Variants in ENTREP2 observed in about 807,000 individuals in gnomAD.
ENTREP2 encodes protein ENTREP2.
chr15:29,344,427 T>C, the ENTREP2 span, among the ~76,000 whole-genome samples: 2 of 151,938 alleles, frequency 1.3e-5, no homozygotes, highest in African/African-American at 4.8e-5. Flanking sequence ...CCCTGCTAGA[T>C]TGAAGAAAAG....
the ENTREP2 span, among the ~76,000 whole-genome samples, chr15:29,283,418 A>G: frequency 6.6e-6 from 1 of 152,138 alleles, no homozygotes; most frequent in African/African-American, 2.4e-5. Flanking sequence ...GTGTGAGCAT[A>G]GCTCACTGTA....
chr15:29,376,914 AG>A, the ENTREP2 span: 4 of 152,334 alleles, frequency 2.6e-5, no homozygotes, highest in Non-Finnish European at 5.9e-5. Context: ...CCAGGCCTGC[AG>A]GGCGAATGGA....
chr15:29,437,006 C>G, the ENTREP2 span, among the ~76,000 whole-genome samples: 2 of 152,144 alleles, frequency 1.3e-5, no homozygotes, highest in African/African-American at 4.8e-5. Context: ...GGGGGCCAAA[C>G]AAAAATGACA....
the ENTREP2 span, among the ~76,000 whole-genome samples, chr15:29,574,615 G>A: frequency 1.5e-3 from 223 of 152,304 alleles, no homozygotes; most frequent in Admixed American, 3.7e-3. Context: ...CTTAAGCAAA[G>A]CATGACAAGG....
the ENTREP2 span, among the ~76,000 whole-genome samples, chr15:29,316,379 A>C: frequency 6.6e-6 from 1 of 152,228 alleles, no homozygotes; most frequent in Non-Finnish European, 1.5e-5. Flanking sequence ...GAGACCTAAC[A>C]ACCCAATGCA....
the ENTREP2 span, among the ~76,000 whole-genome samples, chr15:29,541,074 G>A: frequency 1.9e-3 from 283 of 152,268 alleles, 3 homozygotes; most frequent in Middle Eastern, 0.01. Context: ...TATGGCTCGG[G>A]GCCTGGGGAT....
chr15:29,174,089 C>T, the ENTREP2 span, among the ~76,000 whole-genome samples: 1 of 152,106 alleles, frequency 6.6e-6, no homozygotes, highest in Non-Finnish European at 1.5e-5. Context: ...GAAAAAACTC[C>T]AAAGAGTACT....
the ENTREP2 span, among the ~76,000 whole-genome samples, chr15:29,671,286 T>G: frequency 7.9e-5 from 12 of 152,304 alleles, no homozygotes; most frequent in East Asian, 2.3e-3. Flanking sequence ...CTGGTAATAG[T>G]AAATAAGTGT....
At chr15:29,524,908 G>A in the ENTREP2 span, among the ~76,000 whole-genome samples, 7 of 152,232 alleles carry the variant, frequency 4.6e-5, no homozygotes, top group South Asian at 8.3e-4. Context: ...CTCCCGGCTC[G>A]AATGCCTGGG....
At chr15:29,656,229 A>T in the ENTREP2 span, among the ~76,000 whole-genome samples, 1 of 145,460 alleles carries the variant, frequency 6.9e-6, no homozygotes, top group African/African-American at 2.5e-5. Context: ...TGTTAACGGA[A>T]TTTTTTTTTT....
chr15:29,502,625 A>G, the ENTREP2 span, among the ~76,000 whole-genome samples: 1 of 152,074 alleles, frequency 6.6e-6, no homozygotes, highest in Non-Finnish European at 1.5e-5. Context: ...TTATGTTTCA[A>G]TCAGCCCTAT....
the ENTREP2 span, among the ~76,000 whole-genome samples, chr15:29,224,191 T>C: frequency 6.6e-6 from 1 of 152,106 alleles, no homozygotes; most frequent in Non-Finnish European, 1.5e-5. Context: ...GTGGTGAGTG[T>C]TACAGCTCTC....
the ENTREP2 span, among the ~76,000 whole-genome samples, chr15:29,433,674 G>T: frequency 6.6e-6 from 1 of 151,922 alleles, no homozygotes; most frequent in African/African-American, 2.4e-5. Context: ...CTGGCAGCTG[G>T]TAGGGATTCC....
the ENTREP2 span, among the ~76,000 whole-genome samples, chr15:29,624,505 G>A: frequency 6.6e-6 from 1 of 152,074 alleles, no homozygotes; most frequent in Non-Finnish European, 1.5e-5. Flanking sequence ...TACAAATGCT[G>A]GATTTATGTA....
At chr15:29,333,409 G>C in the ENTREP2 span, among the ~76,000 whole-genome samples, 2 of 152,154 alleles carry the variant, frequency 1.3e-5, no homozygotes, top group East Asian at 3.9e-4. Context: ...CAGCAGTCCA[G>C]AGACATCCAG....
the ENTREP2 span, among the ~76,000 whole-genome samples, chr15:29,561,985 A>G: frequency 6.6e-6 from 1 of 152,236 alleles, no homozygotes; most frequent in Non-Finnish European, 1.5e-5. Context: ...AAGGGCTGAC[A>G]TCAACGCCTC....
the ENTREP2 span, among the ~76,000 whole-genome samples, chr15:29,342,192 G>A: frequency 6.6e-6 from 1 of 152,212 alleles, no homozygotes; most frequent in Non-Finnish European, 1.5e-5. Flanking sequence ...AGATGGCGAT[G>A]AGGGGACGGA....
chr15:29,549,423 C>A, the ENTREP2 span, among the ~76,000 whole-genome samples: 1 of 152,126 alleles, frequency 6.6e-6, no homozygotes, highest in Non-Finnish European at 1.5e-5. Context: ...GCGCCCACCA[C>A]CACACCTGGC....
the ENTREP2 span, among the ~76,000 whole-genome samples, chr15:29,254,174 A>AT: frequency 4.7e-5 from 7 of 147,914 alleles, no homozygotes; most frequent in African/African-American, 1.8e-4. Context: ...AAAAAAAAAA[A>AT]AAAAAAAAAA....
Sources: allele counts gnomAD v4.1 joint callset (sites outside exome capture counted in the v4.1 genomes callset), GRCh38; gene constraint gnomAD v4.1.1; transcripts MANE v1.5; gene names NCBI Gene and HGNC (gene_info 2026-07-23, HGNC 2026-07-21).